Variants in PITPNC1 observed in about 807,000 individuals in gnomAD.
PITPNC1 encodes cytoplasmic phosphatidylinositol transfer protein 1.
In PITPNC1, 18 loss-of-function variants were observed where a neutral mutation model predicts 44.7. The ratio of observed to expected loss-of-function variants is 0.40; its 90% CI spans 0.28 to 0.60. PITPNC1 has a LOEUF of 0.60. PITPNC1 is among the 20% of genes least tolerant of loss of function. PITPNC1 has a pLI of 0.39. For synonymous variants in PITPNC1, 141 were observed against 149.6 expected (o/e 0.94, Z 0.42); for missense variants, 290 against 418.4 (o/e 0.69, Z 2.68).
chr17:67,641,265 A>C (rs918965746), intron 6 of PITPNC1, among the ~76,000 whole-genome samples: 2 of 152,224 alleles, frequency 1.3e-5, no homozygotes, highest in African/African-American at 4.8e-5. Flanking sequence ...CTTGTAAAAA[A>C]AATTCCGACA....
chr17:67,640,170 G>C (rs1567754154), intron 6 of PITPNC1, among the ~76,000 whole-genome samples: 1 of 151,958 alleles, frequency 6.6e-6, no homozygotes, highest in Non-Finnish European at 1.5e-5. Flanking sequence ...ACTGGGGCCT[G>C]CATGCTTCTT....
intron 6 of PITPNC1, chr17:67,638,721 G>C (rs145202356): frequency 6.6e-6 from 1 of 152,142 alleles, no homozygotes; most frequent in Non-Finnish European, 1.5e-5. Context: ...TTGTCCCTCA[G>C]GGCCATCTGG....
intron 1 of PITPNC1, among the ~76,000 whole-genome samples, chr17:67,385,939 A>AT (rs1305580083): frequency 6.6e-6 from 1 of 152,174 alleles, no homozygotes; most frequent in Non-Finnish European, 1.5e-5. Context: ...CAGGAGATAG[A>AT]TACAGGGATC....
At chr17:67,380,358 A>T (rs2037939905) in intron 1 of PITPNC1, among the ~76,000 whole-genome samples, 1 of 152,176 alleles carries the variant, frequency 6.6e-6, no homozygotes, top group South Asian at 2.1e-4. Flanking sequence ...TACAGGCATG[A>T]GCCACTGCGC....
At chr17:67,569,626 C>T (rs1338164263) in intron 4 of PITPNC1, among the ~76,000 whole-genome samples, 1 of 152,118 alleles carries the variant, frequency 6.6e-6, no homozygotes, top group Non-Finnish European at 1.5e-5. Flanking sequence ...TGCTTAGACA[C>T]CAGATAAAAG....
chr17:67,425,582 C>T (rs749894035), intron 1 of PITPNC1, among the ~76,000 whole-genome samples: 9 of 150,040 alleles, frequency 6.0e-5, no homozygotes, highest in Non-Finnish European at 1.0e-4. Context: ...AGTGCAGTGG[C>T]GCAATCATGC....
intron 1 of PITPNC1, among the ~76,000 whole-genome samples, chr17:67,407,750 C>A (rs534131869): frequency 1.4e-3 from 209 of 151,670 alleles, no homozygotes; most frequent in African/African-American, 4.6e-3. Context: ...GCCGAGATCA[C>A]GCCATTGCAC....
At chr17:67,484,266 A>G (rs538346202) in intron 1 of PITPNC1, among the ~76,000 whole-genome samples, 2 of 152,284 alleles carry the variant, frequency 1.3e-5, no homozygotes, top group South Asian at 4.1e-4. Context: ...TGAGATGTGC[A>G]TAAGACCCAG....
intron 5 of PITPNC1, among the ~76,000 whole-genome samples, chr17:67,594,908 A>C (rs137986773): frequency 1.3e-3 from 194 of 152,354 alleles, no homozygotes; most frequent in Non-Finnish European, 2.2e-3. Context: ...AAGTGCACAG[A>C]ATAGAGCTTT....
intron 1 of PITPNC1, among the ~76,000 whole-genome samples, chr17:67,428,685 C>T (rs2038809011): frequency 1.3e-5 from 2 of 152,006 alleles, no homozygotes; most frequent in South Asian, 4.1e-4. Context: ...ATATGTACTA[C>T]TCTAAGAAAA....
intron 1 of PITPNC1, among the ~76,000 whole-genome samples, chr17:67,434,728 G>C (rs758946065): frequency 6.6e-6 from 1 of 150,780 alleles, no homozygotes; most frequent in Non-Finnish European, 1.5e-5. Context: ...TGGGAGGATT[G>C]CTTGAGCCCA....
intron 8 of PITPNC1, among the ~76,000 whole-genome samples, chr17:67,685,196 A>T (rs1021911828): frequency 6.6e-6 from 1 of 152,268 alleles, no homozygotes; most frequent in African/African-American, 2.4e-5. Context: ...TTCATCATAA[A>T]GCAGCATCTC....
intron 1 of PITPNC1, among the ~76,000 whole-genome samples, chr17:67,426,232 A>G (rs1306780429): frequency 6.6e-6 from 1 of 152,204 alleles, no homozygotes; most frequent in East Asian, 1.9e-4. Flanking sequence ...CAGAAATACC[A>G]TTTGACCCAG....
At chr17:67,631,473 C>CA (rs2041965773) in intron 5 of PITPNC1, among the ~76,000 whole-genome samples, 1 of 134,694 alleles carries the variant, frequency 7.4e-6, no homozygotes, top group Non-Finnish European at 1.6e-5. Flanking sequence ...ACTAAAAATA[C>CA]AAAAAATTAG....
chr17:67,616,106 GGTACTTTTCT>G (rs939569354), intron 5 of PITPNC1, among the ~76,000 whole-genome samples: 15 of 151,994 alleles, frequency 9.9e-5, no homozygotes, highest in African/African-American at 3.4e-4. Flanking sequence ...CATGTACTTT[GGTACTTTTCT>G]GTACTTTTCT....
intron 1 of PITPNC1, among the ~76,000 whole-genome samples, chr17:67,526,687 G>A (rs2040395206): frequency 6.6e-6 from 1 of 151,166 alleles, no homozygotes; most frequent in Admixed American, 6.6e-5. Context: ...AGCCAAGATT[G>A]CACCATTGCA....
chr17:67,600,724 C>T (rs1438483725), intron 5 of PITPNC1, among the ~76,000 whole-genome samples: 1 of 151,440 alleles, frequency 6.6e-6, no homozygotes, highest in East Asian at 2.0e-4. Context: ...ATATAGCTAA[C>T]TCATAGGAGC....
chr17:67,688,008 C>A (rs1171907990), intron 8 of PITPNC1, among the ~76,000 whole-genome samples: 9 of 148,076 alleles, frequency 6.1e-5, no homozygotes, highest in Admixed American at 4.8e-4. Context: ...TCCATTAGCC[C>A]AGTCTCCAGA....
chr17:67,478,114 T>G (rs2039656067), intron 1 of PITPNC1, among the ~76,000 whole-genome samples: 1 of 152,134 alleles, frequency 6.6e-6, no homozygotes, highest in Admixed American at 6.6e-5. Flanking sequence ...TCTTCCTTTC[T>G]GAAATAGAAG....
Sources: gnomAD v4.1 joint callset for allele counts (sites outside exome capture counted in the v4.1 genomes callset) on GRCh38, gnomAD v4.1.1 for gene constraint, MANE v1.5 for transcripts, NCBI Gene and HGNC (gene_info 2026-07-23, HGNC 2026-07-21) for gene names.